Variants in POU2F1 observed in about 807,000 individuals in gnomAD.
POU2F1 encodes POU domain, class 2, transcription factor 1.
Under a neutral mutation model 84.9 loss-of-function variants are expected in POU2F1, and 16 were observed. That is an observed-to-expected ratio of 0.19 (90% CI 0.13 to 0.29). The LOEUF (loss-of-function observed/expected upper bound fraction) is 0.29. POU2F1 is among the 10% of genes least tolerant of loss of function. POU2F1 has a pLI of 1.00. For synonymous variants in POU2F1, 368 were observed against 368.3 expected, an observed-to-expected ratio of 1.00 and a Z score of 0.01; for missense variants, 738 against 942.6, an observed-to-expected ratio of 0.78 and a Z score of 2.84.
Position 167,426,924 on chromosome 1 carries a change from A to G in POU2F1, c.*11114A>G, listed in dbSNP as rs1650985541. On this transcript the variant is annotated 3_prime_UTR_variant, in exon 16 of 16. Coordinates refer to ENST00000367866, the MANE Select transcript of POU2F1 (RefSeq NM_002697.4). ...GCCCCAGAGTGCCTGTTAGCCAAAT[A>G]TTTCCCCTCTGATAGGAATATTTTC... The G allele has an allele frequency of 6.6e-6, 1 of 152,126 alleles. No homozygotes were observed. Among genetic ancestry groups the G allele is most frequent in the African/African-American group, 2.4e-5 (1 of 41,402 alleles). The allele number at this position is 152,126 out of a possible 1,614,324, so 9.4% of individuals were successfully genotyped here.
intron 1 of POU2F1, among the ~76,000 whole-genome samples, chr1:167,329,731 T>A (rs1194516599): frequency 6.6e-6 from 1 of 152,148 alleles, no homozygotes; most frequent in East Asian, 1.9e-4. Flanking sequence ...AAATGCTCAG[T>A]GAAAAATAAG....
chr1:167,404,407 A>T (rs1229052411), intron 13 of POU2F1, among the ~76,000 whole-genome samples: 1 of 152,134 alleles, frequency 6.6e-6, no homozygotes, highest in Non-Finnish European at 1.5e-5. Flanking sequence ...GTGAGCTGTG[A>T]ATGTGAATAA....
chr1:167,395,306 A>G (rs187579516), intron 9 of POU2F1, among the ~76,000 whole-genome samples: 2 of 152,302 alleles, frequency 1.3e-5, no homozygotes, highest in Admixed American at 6.5e-5. Context: ...TGAAGGTTTG[A>G]CTAAATGGGT....
chr1:167,414,591 C>T (rs1172046779), intron 15 of POU2F1: 37 of 985,154 alleles, frequency 3.8e-5, no homozygotes, highest in South Asian at 4.7e-5. Context: ...ATGAGAGTCT[C>T]GATTATTTTA....
At chr1:167,384,036 C>T (rs1647773236) in intron 8 of POU2F1, 85 bp downstream of exon 8, 1 of 1,144,588 alleles carries the variant, frequency 8.7e-7, no homozygotes, top group African/African-American at 1.6e-5. Flanking sequence ...TTTTTTAAAT[C>T]TAATAAAAAT....
chr1:167,327,330 G>A (rs892810486), intron 1 of POU2F1, among the ~76,000 whole-genome samples: 2 of 152,092 alleles, frequency 1.3e-5, no homozygotes, highest in Non-Finnish European at 2.9e-5. Flanking sequence ...ATTAAGGCTC[G>A]AAGAAGGAAG....
chr1:167,310,354 A>G (rs1347907616), intron 1 of POU2F1, among the ~76,000 whole-genome samples: 1 of 152,134 alleles, frequency 6.6e-6, no homozygotes, highest in Non-Finnish European at 1.5e-5. Context: ...TAAATGGGTT[A>G]AACAAACCTC....
chr1:167,358,737 T>TTTTTTTTTTTTTTTTTTTG lies in POU2F1; in HGVS notation c.128-6730_128-6729insTTTTTTTTTTTTTTTTTTG, dbSNP rs71097670. On this transcript the variant is annotated intron_variant, in intron 2 of 15. Coordinates refer to ENST00000367866, the MANE Select transcript of POU2F1 (RefSeq NM_002697.4). The stretch of plus-strand genomic sequence containing the variant: ...GCAGCTTTTTTTTTTTTTTTTTTTT[T>TTTTTTTTTTTTTTTTTTTG]GAGACAGGTTCTGACTGTGCTGCTC... Among the ~76,000 whole-genome samples, 48 of 88,770 alleles carry TTTTTTTTTTTTTTTTTTTG rather than the reference T, an allele frequency of 5.4e-4. 7 individuals carry two copies. Among genetic ancestry groups the TTTTTTTTTTTTTTTTTTTG allele is most frequent in the South Asian group, 9.3e-4 (2 of 2,154 alleles). 58.2% of individuals were successfully genotyped at this position (88,770 alleles called of 152,430 possible).
At chr1:167,311,808 ATTTT>A (rs869066181) in intron 1 of POU2F1, among the ~76,000 whole-genome samples, 6 of 132,896 alleles carry the variant, frequency 4.5e-5, no homozygotes, top group Non-Finnish European at 1.0e-4. Flanking sequence ...TTATTTATTT[ATTTT>A]TTCTTTTGGA....
chr1:167,316,480 T>G (rs145078181), intron 1 of POU2F1, among the ~76,000 whole-genome samples: 1,999 of 152,334 alleles, frequency 0.013, 11 homozygotes, highest in Non-Finnish European at 0.019. Context: ...AGGTAGACTT[T>G]TCACGAAACA....
intron 1 of POU2F1, among the ~76,000 whole-genome samples, chr1:167,313,469 G>A (rs1655641965): frequency 6.6e-6 from 1 of 152,080 alleles, no homozygotes; most frequent in South Asian, 2.1e-4. Context: ...ATTGGTGGAG[G>A]GATAAACACA....
At chr1:167,325,175 TGTAA>T (rs1656611106) in intron 1 of POU2F1, among the ~76,000 whole-genome samples, 1 of 152,200 alleles carries the variant, frequency 6.6e-6, no homozygotes, top group South Asian at 2.1e-4. Flanking sequence ...AAGTGTTTTC[TGTAA>T]GTAAGTTAAT....
At chr1:167,282,436 G>A (rs184034001) in intron 1 of POU2F1, among the ~76,000 whole-genome samples, 1 of 152,122 alleles carries the variant, frequency 6.6e-6, no homozygotes, top group South Asian at 2.1e-4. Flanking sequence ...GACCTACCGC[G>A]CCTGGCCAAA....
chr1:167,259,082 G>C (rs1571182329), intron 1 of POU2F1, among the ~76,000 whole-genome samples: 1 of 152,314 alleles, frequency 6.6e-6, no homozygotes, highest in South Asian at 2.1e-4. Context: ...ACCAGCTGCT[G>C]TGTTGGCCGA....
intron 1 of POU2F1, among the ~76,000 whole-genome samples, chr1:167,279,174 G>GT: frequency 6.6e-6 from 1 of 152,156 alleles, no homozygotes; most frequent in East Asian, 1.9e-4. Context: ...ATGGGTAGTG[G>GT]TATGTAACAA....
chr1:167,267,524 C>A (rs78367095), intron 1 of POU2F1, among the ~76,000 whole-genome samples: 3,844 of 151,344 alleles, frequency 0.025, 159 homozygotes, highest in African/African-American at 0.087. Context: ...TAATAAATAC[C>A]TAAAATTGGC....
intron 5 of POU2F1, 102 bp downstream of exon 5, chr1:167,372,138 G>C: frequency 7.1e-7 from 1 of 1,412,228 alleles, no homozygotes; most frequent in African/African-American, 1.4e-5. Context: ...TAGTAACATG[G>C]CTATGCCTGG....
intron 1 of POU2F1, among the ~76,000 whole-genome samples, chr1:167,319,215 A>G (rs1407014097): frequency 6.6e-6 from 1 of 152,196 alleles, no homozygotes; most frequent in Non-Finnish European, 1.5e-5. Flanking sequence ...GATGGTATCC[A>G]GATAGGCTGC....
At chr1:167,235,218 C>T (rs1383651315) in intron 1 of POU2F1, among the ~76,000 whole-genome samples, 1 of 151,846 alleles carries the variant, frequency 6.6e-6, no homozygotes, top group African/African-American at 2.4e-5. Context: ...GCTAAGTCCC[C>T]CCATCTTCCT....
Sources: allele counts gnomAD v4.1 joint callset (sites outside exome capture counted in the v4.1 genomes callset), GRCh38; gene constraint gnomAD v4.1.1; transcripts MANE v1.5; gene names NCBI Gene and HGNC (gene_info 2026-07-23, HGNC 2026-07-21).